Variants in TGFBRAP1 observed in about 807,000 individuals in gnomAD.
TGFBRAP1 encodes transforming growth factor-beta receptor-associated protein 1.
A neutral mutation model predicts 83.2 loss-of-function variants in TGFBRAP1; 20 were observed. That is an observed-to-expected ratio of 0.24 (90% CI 0.17 to 0.35). The LOEUF (loss-of-function observed/expected upper bound fraction) is 0.35. Ranked by LOEUF, TGFBRAP1 falls within the 10% of genes least tolerant of loss-of-function variation. The probability of loss-of-function intolerance (pLI) is 1.00; values close to 1 mark genes in which losing one functional copy is unlikely to be tolerated. For missense variants in TGFBRAP1, 950 were observed against 1,099.4 expected, an observed-to-expected ratio of 0.86 and a Z score of 1.92; for synonymous variants, 415 against 459.8, an observed-to-expected ratio of 0.90 and a Z score of 1.25.
rs555688826 is a variant in TGFBRAP1 at position 105,284,753 on chromosome 2, A to C, written c.1039-355T>G. On this transcript the variant is annotated intron_variant, in intron 4 of 11. Transcript: ENST00000393359. ...CTTCCACTCTTCTGGAATTGAACTC[A>C]CAGTACCACCTTTCAGAGCATCCCT... Among the ~76,000 whole-genome samples, 14 of 152,208 alleles carry C rather than the reference A, an allele frequency of 9.2e-5. No homozygotes were observed. In the South Asian group the frequency reaches 2.9e-3, roughly 32 times the overall value.
chr2:105,252,457 T>C, the TGFBRAP1 span, among the ~76,000 whole-genome samples: 1 of 152,076 alleles, frequency 6.6e-6, no homozygotes. Context: ...TTGCAGGGGG[T>C]TCTGGGGAGT....
At chr2:105,250,636 T>TCCCTCTCCCTCC in the TGFBRAP1 span, among the ~76,000 whole-genome samples, 1 of 139,830 alleles carries the variant, frequency 7.2e-6, no homozygotes. Flanking sequence ...CCTCTCCCTC[T>TCCCTCTCCCTCC]CCCCACGGTC....
Position 105,307,592 on chromosome 2 carries a change from C to T in TGFBRAP1, c.688+22G>A, listed in dbSNP as rs576810862. 70 of 1,579,420 alleles carry T rather than the reference C, an allele frequency of 4.4e-5. 1 individual carries two copies. Among genetic ancestry groups the T allele is most frequent in the South Asian group, 4.2e-4 (36 of 85,554 alleles). On this transcript the variant is annotated intron_variant, in intron 2 of 11. Coordinates refer to ENST00000393359, the MANE Select transcript of TGFBRAP1 (RefSeq NM_004257.6). ...ACCGAGGCCACCCAAAAAGATCAGG[C>T]GCACAAATGCATCCTCCTCACCCAG...
chr2:105,274,493 T>C (rs1242824146), intron 8 of TGFBRAP1, among the ~76,000 whole-genome samples: 1 of 152,248 alleles, frequency 6.6e-6, no homozygotes, highest in East Asian at 1.9e-4. Context: ...TCCTCATCTG[T>C]AGCTAATGCC....
rs1239759500 is a variant in TGFBRAP1 at position 105,298,724 on chromosome 2, A to G, written c.689-19T>C. On this transcript the variant is annotated intron_variant, in intron 2 of 11. Transcript: ENST00000393359. Reference sequence around the variant, plus strand: ...AACATGCCTAGAAGTAAGAAGAAAGAGTTAGGTAGGCTTCCAAATAAGCAT... The same window carrying G: ...AACATGCCTAGAAGTAAGAAGAAAGGGTTAGGTAGGCTTCCAAATAAGCAT... 1 of 1,547,248 alleles carries G rather than the reference A, an allele frequency of 6.5e-7. No homozygotes were observed. The highest frequency in any genetic ancestry group is 1.4e-5 in the African/African-American group (1 of 72,956).
chr2:105,273,529 TTC>T lies in TGFBRAP1; in HGVS notation c.1812+13_1812+14del. 6.2e-7 allele frequency: 1 copy of T among 1,613,678 alleles called. No homozygotes were observed. The highest frequency in any genetic ancestry group is 8.5e-7 in the Non-Finnish European group (1 of 1,179,856). On this transcript the variant is annotated intron_variant, in intron 9 of 11. Transcript: ENST00000393359. ...TCCAGCCCACACTCTTTAGTCTAAC[TTC>T]TGCAGTGCTCACCTGCAGTCTCTTG...
In TGFBRAP1 at chr2:105,296,388, C is replaced by G; in HGVS notation, c.1006G>C (p.Ala336Pro). ...TTTTCCTTTGGAATGTTCCTCCGGG[C>G]TCCTTTTGCTAAAACCAAAGCCTCT... ...VEEALVLAKG[A>P]RRNIPKEKFQ... Residue 336 changes from alanine (A) to proline (P), a missense_variant, in exon 4 of 12, where the codon GCC becomes CCC. By Grantham distance (27) the Ala-to-Pro change is conservative. Transcript: ENST00000393359. 1 of 1,613,892 alleles carries G rather than the reference C, an allele frequency of 6.2e-7. No homozygotes were observed. Among genetic ancestry groups the G allele is most frequent in the Non-Finnish European group, 8.5e-7 (1 of 1,180,010 alleles).
At chr2:105,257,932 C>G in the TGFBRAP1 span, among the ~76,000 whole-genome samples, 1 of 152,260 alleles carries the variant, frequency 6.6e-6, no homozygotes, top group Admixed American at 6.5e-5. Flanking sequence ...GAACTTTGCA[C>G]AATGCCTGGC....
rs1407871986 is a variant in TGFBRAP1 at position 105,308,111 on chromosome 2, G to A, written c.191C>T (p.Thr64Ile). ...GTGTCTCTGCAGCTGTTTGGTGGCA[G>A]TGAACGTGGCTGGCCCAGCAGGCAC... ...RPVPAGPATF[T>I]ATKQLQRHLG... Residue 64 changes from threonine to isoleucine, a missense_variant, in exon 2 of 12, where the codon ACT becomes ATT. Thr to Ile is a moderately conservative substitution (Grantham distance 89, BLOSUM62 -1). Coordinates refer to ENST00000393359, the MANE Select transcript of TGFBRAP1 (RefSeq NM_004257.6). 3 of 1,614,072 alleles carry A rather than the reference G, an allele frequency of 1.9e-6. No individual in the cohort carries two copies. The highest frequency in any genetic ancestry group is 2.7e-5 in the African/African-American group (2 of 74,946).
intron 3 of TGFBRAP1, 135 bp downstream of exon 3, chr2:105,298,376 G>T: frequency 2.3e-6 from 2 of 869,534 alleles, no homozygotes; most frequent in Non-Finnish European, 3.4e-6. Flanking sequence ...AGCCCCTGAA[G>T]CACAGAGACT....
chr2:105,328,768 A>G (rs187421822), intron 1 of TGFBRAP1, among the ~76,000 whole-genome samples: 2 of 152,318 alleles, frequency 1.3e-5, no homozygotes, highest in Admixed American at 6.5e-5. Context: ...CGTGCAGTCC[A>G]CGTGCAGTAA....
intron 7 of TGFBRAP1, 109 bp downstream of exon 7, chr2:105,277,505 G>A: frequency 1.0e-6 from 1 of 959,266 alleles, no homozygotes; most frequent in Non-Finnish European, 1.7e-6. Context: ...AAAGGGTGTA[G>A]ATCAGGCAAA....
rs1168311093 is a variant in TGFBRAP1, at chr2:105,265,527, A to C, written c.*1856T>G. 1 of 152,630 alleles carries C rather than the reference A, an allele frequency of 6.6e-6. No individual in the cohort carries two copies. Among genetic ancestry groups the C allele is most frequent in the Non-Finnish European group, 1.5e-5 (1 of 68,042 alleles). The allele number at this position is 152,630 out of a possible 1,614,324, so 9.5% of individuals were successfully genotyped here. On this transcript the variant is annotated 3_prime_UTR_variant, in exon 12 of 12. Coordinates refer to ENST00000393359, the MANE Select transcript of TGFBRAP1 (RefSeq NM_004257.6). ...AAGATTTTACCCATTTTGTGTACAG[A>C]GAAATAAGCTTTTAATGGCGCAATG...
At chr2:105,316,341 A>G (rs565173483) in intron 1 of TGFBRAP1, among the ~76,000 whole-genome samples, 9 of 129,362 alleles carry the variant, frequency 7.0e-5, no homozygotes, top group African/African-American at 2.7e-4. Flanking sequence ...TGTTTTTTAC[A>G]AAAAAAAAAA....
chr2:105,293,576 G>T (rs1677985098), intron 4 of TGFBRAP1, among the ~76,000 whole-genome samples: 1 of 152,204 alleles, frequency 6.6e-6, no homozygotes, highest in Non-Finnish European at 1.5e-5. Flanking sequence ...TAAGCTTAGG[G>T]TCTAGCATGT....
downstream of TGFBRAP1, among the ~76,000 whole-genome samples, chr2:105,261,027 A>T (rs940354056): frequency 2.6e-5 from 4 of 152,344 alleles, no homozygotes; most frequent in Admixed American, 2.0e-4. Context: ...CTGTGTTAAG[A>T]AAGTAAGTTT....
the TGFBRAP1 span, among the ~76,000 whole-genome samples, chr2:105,254,301 C>T: frequency 6.6e-6 from 1 of 152,142 alleles, no homozygotes; most frequent in Non-Finnish European, 1.5e-5. Context: ...AAGTACTTCT[C>T]ATCAGCCACC....
At chr2:105,329,211 C>T (rs1679300771) in intron 1 of TGFBRAP1, among the ~76,000 whole-genome samples, 1 of 152,178 alleles carries the variant, frequency 6.6e-6, no homozygotes, top group East Asian at 1.9e-4. Context: ...GGTGCAAGTC[C>T]TTCCTGGCCC....
intron 11 of TGFBRAP1, among the ~76,000 whole-genome samples, chr2:105,268,703 C>T (rs745927794): frequency 1.3e-5 from 2 of 152,140 alleles, no homozygotes; most frequent in African/African-American, 4.8e-5. Context: ...GTCGGATACC[C>T]GCTCTGGAAA....
Sources: gnomAD v4.1 joint callset for allele counts (sites outside exome capture counted in the v4.1 genomes callset) on GRCh38, gnomAD v4.1.1 for gene constraint, MANE v1.5 for transcripts, NCBI Gene and HGNC (gene_info 2026-07-23, HGNC 2026-07-21) for gene names.